Variants in LHX4 observed in about 807,000 individuals in gnomAD.
LHX4 encodes the protein LIM/homeobox protein Lhx4.
LHX4 carries 16 observed loss-of-function variants against 39.2 expected under a neutral mutation model. That is an observed-to-expected ratio of 0.41 (90% confidence interval 0.28 to 0.62). The LOEUF is 0.62. Ranked by LOEUF, LHX4 falls within the 20% of genes least tolerant of loss-of-function variation. The pLI is 0.33. For missense variants in LHX4, 439 were observed against 511.9 expected (o/e 0.86, Z 1.37); for synonymous variants, 206 against 198.1 (o/e 1.04, Z -0.33).
At chr1:180,251,909 C>T (rs900413708) in intron 2 of LHX4, among the ~76,000 whole-genome samples, 2 of 152,156 alleles carry the variant, frequency 1.3e-5, no homozygotes, top group African/African-American at 4.8e-5. Flanking sequence ...AGTGATTCTC[C>T]CTCCTGTCAA....
chr1:180,270,896 C>CGTATCATTAAA, intron 3 of LHX4: 1 of 234,848 alleles, frequency 4.3e-6, no homozygotes. Context: ...GGCTGTGAGC[C>CGTATCATTAAA]CAGCGACGCC....
At chr1:180,259,190 GTTGGGAGGC>G (rs1203314960) in intron 2 of LHX4, among the ~76,000 whole-genome samples, 2 of 152,122 alleles carry the variant, frequency 1.3e-5, no homozygotes, top group African/African-American at 2.4e-5. Flanking sequence ...GAGCAGGTGT[GTTGGGAGGC>G]TTGGGAGGCC....
chr1:180,250,348 T>TGTGTGC (rs561965552), intron 2 of LHX4, among the ~76,000 whole-genome samples: 51 of 63,420 alleles, frequency 8.0e-4, no homozygotes, highest in Admixed American at 2.7e-3. Flanking sequence ...TGTGTGTGTG[T>TGTGTGC]GCGCGCGTGG....
At chr1:180,248,496 C>T (rs757370148) in intron 2 of LHX4, 40 bp downstream of exon 2, 1 of 1,609,182 alleles carries the variant, frequency 6.2e-7, no homozygotes, top group South Asian at 1.1e-5. Flanking sequence ...TGGCCTGTCT[C>T]TGCCTCTCCC....
At chr1:180,229,914 C>T (rs1202496730), upstream of LHX4, among the ~76,000 whole-genome samples, 1 of 146,498 alleles carries the variant, frequency 6.8e-6, no homozygotes, top group Non-Finnish European at 1.5e-5. Context: ...GAATTTATAC[C>T]CAGGGCGCGA....
chr1:180,259,101 G>A (rs930712671), intron 2 of LHX4, among the ~76,000 whole-genome samples: 3 of 152,026 alleles, frequency 2.0e-5, no homozygotes, highest in African/African-American at 7.2e-5. Context: ...GGGGAGCGGG[G>A]TGGGCAGAGA....
chr1:180,237,744 T>C (rs1309202823), intron 1 of LHX4, among the ~76,000 whole-genome samples: 2 of 152,186 alleles, frequency 1.3e-5, no homozygotes, highest in African/African-American at 4.8e-5. Flanking sequence ...TTAATTATGA[T>C]GTTAGGGGGT....
intron 2 of LHX4, chr1:180,248,789 CTT>C (rs1647486376): frequency 2.6e-6 from 1 of 380,652 alleles, no homozygotes; most frequent in African/African-American, 2.1e-5. Flanking sequence ...AAGAGTTGCT[CTT>C]TCTGTCCTGA....
chr1:180,240,071 CAGTTAAAAAGCAAAGGG>C (rs1222676810), intron 1 of LHX4, among the ~76,000 whole-genome samples: 1 of 152,170 alleles, frequency 6.6e-6, no homozygotes, highest in Non-Finnish European at 1.5e-5. Context: ...ATCCAGAAGG[CAGTTAAAAAGCAAAGGG>C]AGTTAAAAAG....
intron 1 of LHX4, among the ~76,000 whole-genome samples, chr1:180,233,232 G>C (rs2149251346): frequency 6.6e-6 from 1 of 152,384 alleles, no homozygotes; most frequent in East Asian, 1.9e-4. Flanking sequence ...TCTTGCTCCA[G>C]ACTTGGCCTC....
rs1664254697 is a variant in LHX4 at position 180,234,195 on chromosome 1, ATATATATATATATATATATATATAT to A, written c.76+3591_76+3615del. ...TATATATATATATATATATATATAT[ATATATATATATATATATATATATAT>A]AATAGATTGAGATTCTATCATATTC... On this transcript the variant is annotated intron_variant, in intron 1 of 5. Coordinates refer to ENST00000263726, the MANE Select transcript of LHX4 (RefSeq NM_033343.4). The surrounding 1 kb of genome is among the most constrained non-coding windows in gnomAD (Gnocchi z 4.8). Among the ~76,000 whole-genome samples, 11 of 89,256 alleles carry A rather than the reference ATATATATATATATATATATATATAT, an allele frequency of 1.2e-4. No homozygotes were observed. Among genetic ancestry groups the A allele is most frequent in the African/African-American group, 5.4e-4 (10 of 18,360 alleles). The allele number at this position is 89,256 out of a possible 152,430, so 58.6% of individuals were successfully genotyped here.
At chr1:180,231,803 C>T (rs1178624136) in intron 1 of LHX4, among the ~76,000 whole-genome samples, 1 of 152,140 alleles carries the variant, frequency 6.6e-6, no homozygotes, top group East Asian at 1.9e-4. Flanking sequence ...CGAGCGCGCC[C>T]TCCTGCGCCT....
intron 5 of LHX4, 118 bp from the exon 6 acceptor site, chr1:180,274,067 C>T: frequency 7.6e-7 from 1 of 1,314,060 alleles, no homozygotes; most frequent in East Asian, 2.3e-5. Context: ...TGCTTGGCTG[C>T]AAGGCAGCTG....
At chr1:180,257,141 C>T (rs143373110) in intron 2 of LHX4, among the ~76,000 whole-genome samples, 41 of 152,258 alleles carry the variant, frequency 2.7e-4, no homozygotes, top group East Asian at 2.5e-3. Flanking sequence ...GCCAAATGGA[C>T]GGGAGAGTTG....
rs376766897 is a variant in LHX4 at position 180,274,185 on chromosome 1, A to T, written c.779A>T (p.Glu260Val). 9.9e-6 allele frequency: 16 copies of T among 1,614,100 alleles called. No homozygotes were observed. Among genetic ancestry groups the T allele is most frequent in the Non-Finnish European group, 1.4e-5 (16 of 1,180,048 alleles). The stretch of plus-strand genomic sequence containing the variant: ...TAAATCTCCGTTCTTTTGTCCACAG[A>T]GGATCAAATTCTCTCAGAACTTGGC... ...GVSDSELSFR[E>V]DQILSELGHT... The change falls in exon 6 of 6, where the codon GAG becomes GTG. Residue 260 changes from glutamate to valine, a missense_variant and splice_region_variant. Physicochemically the swap from Glu to Val is moderately radical, Grantham distance 121 (BLOSUM62 -2). Transcript: ENST00000263726.
At chr1:180,270,961 G>T in intron 3 of LHX4, 1 of 311,388 alleles carries the variant, frequency 3.2e-6, no homozygotes. Flanking sequence ...GAGACAGAGG[G>T]GAGGGCATCT....
At chr1:180,251,048 C>T (rs1307460295) in intron 2 of LHX4, among the ~76,000 whole-genome samples, 1 of 152,200 alleles carries the variant, frequency 6.6e-6, no homozygotes, top group African/African-American at 2.4e-5. Flanking sequence ...CCACTCACCT[C>T]CCTGTAGTCT....
chr1:180,236,134 G>A (rs775525953), intron 1 of LHX4, among the ~76,000 whole-genome samples: 91 of 150,090 alleles, frequency 6.1e-4, no homozygotes, highest in Non-Finnish European at 1.2e-3. Flanking sequence ...CCCTCAAGAC[G>A]TCTCGGAGAC....
Position 180,277,702 on chromosome 1 carries a change from T to A in LHX4, c.*3123T>A, listed in dbSNP as rs1303257216. 2 of 152,200 alleles carry A rather than the reference T, an allele frequency of 1.3e-5. No homozygotes were observed. The highest frequency in any genetic ancestry group is 4.8e-5 in the African/African-American group (2 of 41,442). The allele number at this position is 152,200 out of a possible 1,614,324, so 9.4% of individuals were successfully genotyped here. A position where few individuals can be genotyped will look rare whatever the true frequency, so the allele number is the denominator to read the frequency against. Reference sequence around the variant, plus strand: ...CTATGCAACCTCAGGCAAATTCCTCTCAGTCTTTGTGCTTTCTCTTTCTTG... The same window carrying A: ...CTATGCAACCTCAGGCAAATTCCTCACAGTCTTTGTGCTTTCTCTTTCTTG... On this transcript the variant is annotated 3_prime_UTR_variant, in exon 6 of 6. Transcript: ENST00000263726.
Sources: allele counts gnomAD v4.1 joint callset (sites outside exome capture counted in the v4.1 genomes callset), GRCh38; gene constraint gnomAD v4.1.1; non-coding constraint Gnocchi (gnomAD v3.1); transcripts MANE v1.5; gene names NCBI Gene and HGNC (gene_info 2026-07-23, HGNC 2026-07-21).